The following ZFYVE19 variants were observed in gnomAD, a reference collection of about 807,000 sequenced individuals.
The protein encoded by ZFYVE19 is abscission/NoCut checkpoint regulator.
Under a neutral mutation model 62.8 loss-of-function variants are expected in ZFYVE19, and 49 were observed. That is an observed-to-expected ratio of 0.78 (90% CI 0.62 to 0.99). ZFYVE19 has a LOEUF of 0.99. ZFYVE19 is among the 50% of genes least tolerant of loss of function. The probability of loss-of-function intolerance (pLI) is 0.00; values close to 1 mark genes in which losing one functional copy is unlikely to be tolerated. For missense variants in ZFYVE19, 630 were observed against 601.9 expected (o/e 1.05, Z -0.49); for synonymous variants, 242 against 234.3 (o/e 1.03, Z -0.30).
chr15:40,814,138 T>C lies in ZFYVE19; in HGVS notation c.1338-10T>C. 6.2e-7 allele frequency: 1 copy of C among 1,614,206 alleles called. No individual in the cohort carries two copies. Among genetic ancestry groups the C allele is most frequent in the African/African-American group, 1.3e-5 (1 of 75,054 alleles). On this transcript the variant is annotated splice_polypyrimidine_tract_variant and intron_variant, in intron 10 of 10. Transcript: ENST00000355341. ...CCTGGATCCCTGACTTGTATCCCTT[T>C]GTTCCACAGAGAGGGCCATGATGCC...
rs1279793737 is a variant in ZFYVE19 at position 40,814,249 on chromosome 15, G to A, written c.*23G>A. Reference sequence around the variant, plus strand: ...TGAAGACACCCTGGTCCTCCCGGAAGGGCAGTCCCACAGGCAGCGGCACCC... The same window carrying A: ...TGAAGACACCCTGGTCCTCCCGGAAAGGCAGTCCCACAGGCAGCGGCACCC... On this transcript the variant is annotated 3_prime_UTR_variant, in exon 11 of 11. Coordinates refer to ENST00000355341, the MANE Select transcript of ZFYVE19 (RefSeq NM_001077268.2). The A allele has an allele frequency of 2.5e-6, 4 of 1,613,602 alleles. No individual in the cohort carries two copies. In the Admixed American group the frequency reaches 5.0e-5, roughly 20 times the overall value.
In ZFYVE19 at chr15:40,807,775, T is replaced by A; in HGVS notation, c.186T>A (p.Arg62=). The A allele has an allele frequency of 6.3e-7, 1 of 1,581,256 alleles. No homozygotes were observed. The highest frequency in any genetic ancestry group is 8.6e-7 in the Non-Finnish European group (1 of 1,168,292). Residue 62 remains arginine, a synonymous_variant, in exon 1 of 11, where the codon CGT becomes CGA. Transcript: ENST00000355341. ...EGPRGPGLGR[R]DLSSADPAVL... The stretch of plus-strand genomic sequence containing the variant: ...CAAGGGGCCCAGGACTTGGCCGGCG[T>A]GATCTCAGCTCTGCAGACCCTGCGG...
intron 6 of ZFYVE19, 114 bp from the exon 7 acceptor site, chr15:40,812,583 AAG>A (rs1163132020): frequency 8.9e-6 from 3 of 338,906 alleles, no homozygotes; most frequent in South Asian, 6.7e-5. Flanking sequence ...GAAAGAAAGA[AAG>A]AAAGAAAAAA....
At position 40,814,353 on chromosome 15, in the gene ZFYVE19, C is replaced by G. The variant is rs1890605468; in HGVS notation, c.*127C>G. On this transcript the variant is annotated 3_prime_UTR_variant, in exon 11 of 11. Coordinates refer to ENST00000355341, the MANE Select transcript of ZFYVE19 (RefSeq NM_001077268.2). ...GATGATGGATAGGCCCCTTCCTGAG[C>G]CTTGGTGTCCCTGGAATGAGGAAAG... 9.7e-7 allele frequency: 1 copy of G among 1,026,344 alleles called. No individual in the cohort carries two copies. The allele number at this position is 1,026,344 out of a possible 1,614,324, so 63.6% of individuals were successfully genotyped here.
In ZFYVE19 at chr15:40,808,699, A is replaced by T. The variant is rs1010266089; in HGVS notation, c.280-420A>T. On this transcript the variant is annotated intron_variant, in intron 1 of 10. Transcript: ENST00000355341. ...TGGGTTTAGTGCCTGGCACATAGTA[A>T]GTGCTTAATAAATGGAGGCTATTGT... 3.9e-5 allele frequency: 12 copies of T among 310,706 alleles called. No individual in the cohort carries two copies. The Admixed American group carries it at 5.6e-4, about 15-fold the overall frequency. The allele number at this position is 310,706 out of a possible 1,614,324, so 19.2% of individuals were successfully genotyped here.
In ZFYVE19 at chr15:40,815,047, C is replaced by A. The variant is rs1228050927; in HGVS notation, c.*821C>A. 2.6e-5 allele frequency: 4 copies of A among 152,418 alleles called. No homozygotes were observed. Among genetic ancestry groups the A allele is most frequent in the African/African-American group, 9.6e-5 (4 of 41,458 alleles). The allele number at this position is 152,418 out of a possible 1,614,324, so 9.4% of individuals were successfully genotyped here. The stretch of plus-strand genomic sequence containing the variant: ...CTGCTGTTTCTCTTCCTGCCCCTGG[C>A]TGGAACCAACTATAAAGAGCCCTCG... On this transcript the variant is annotated 3_prime_UTR_variant, in exon 11 of 11. Transcript: ENST00000355341.
At position 40,812,762 on chromosome 15, in the gene ZFYVE19, C is replaced by T; in HGVS notation, c.890C>T (p.Ala297Val). The T allele has an allele frequency of 1.2e-6, 2 of 1,612,750 alleles. No homozygotes were observed. Among genetic ancestry groups the T allele is most frequent in the South Asian group, 1.1e-5 (1 of 91,070 alleles). The change falls in exon 7 of 11, where the codon GCC becomes GTC. Residue 297 changes from alanine to valine, a missense_variant. Transcript: ENST00000355341. ...GPGSTNSKRQ[A>V]NWSLEEEKSR... ...GGGAGCACTAATTCCAAGAGGCAGG[C>T]CAACTGGTCCTTGGAGGAGGAGAAG...
chr15:40,812,709 C>T lies in ZFYVE19; in HGVS notation c.837C>T (p.Leu279=). The T allele has an allele frequency of 6.2e-7, 1 of 1,607,146 alleles. No individual in the cohort carries two copies. The change falls in exon 7 of 11, where the codon CTC becomes CTT. Residue 279 remains leucine (L), a synonymous_variant. Transcript: ENST00000355341. ...SWKGGGPAAS[L]QNDLNQGGPG... ...CATTACCCCTTCCAGCTGCCTCTCT[C>T]CAGAATGATCTCAACCAGGGTGGCC...
chr15:40,813,814 G>A lies in ZFYVE19; in HGVS notation c.1209+3G>A, dbSNP rs758795349. The A allele has an allele frequency of 1.4e-5, 22 of 1,612,090 alleles. No homozygotes were observed. Among genetic ancestry groups the A allele is most frequent in the Non-Finnish European group, 1.8e-5 (21 of 1,179,306 alleles). On this transcript the variant is annotated splice_donor_region_variant and intron_variant, in intron 9 of 10. Coordinates refer to ENST00000355341, the MANE Select transcript of ZFYVE19 (RefSeq NM_001077268.2). Reference sequence around the variant, plus strand: ...AACCCCGCGGGGCAGAGCCTGAGGTGAGAAAAGCCCCAGATGCAGACCCCC... The same window carrying A: ...AACCCCGCGGGGCAGAGCCTGAGGTAAGAAAAGCCCCAGATGCAGACCCCC...
At position 40,813,356 on chromosome 15, in the gene ZFYVE19, G is replaced by A. The variant is rs771283651; in HGVS notation, c.1049G>A (p.Arg350His). The change falls in exon 8 of 11, where the codon CGC (arginine) becomes CAC (histidine). Residue 350 changes from arginine (R) to histidine (H), a missense_variant. Coordinates refer to ENST00000355341, the MANE Select transcript of ZFYVE19 (RefSeq NM_001077268.2). ...DPERVTLQDY[R>H]LPDSDDDEDE... ...CTTCAAGTGACCCTCCAGGACTATC[G>A]CCTCCCAGACAGTGATGACGACGAG... The A allele has an allele frequency of 9.3e-6, 15 of 1,613,030 alleles. No individual in the cohort carries two copies. In the East Asian group the frequency reaches 2.5e-4, roughly 26 times the overall value.
At position 40,810,156 on chromosome 15, in the gene ZFYVE19, A is replaced by G; in HGVS notation, c.657A>G (p.Glu219=). Residue 219 remains glutamate (E), a synonymous_variant, in exon 5 of 11, where the codon GAA becomes GAG. Transcript: ENST00000355341. ...ERQGSIPSTQ[E]MEARLAALQG... is the part of the protein sequence containing the mutation. ...AGGGTTCCATCCCTTCCACCCAGGA[A>G]ATGGAGGCACGACTTGCAGCGTTGC... 1 of 1,614,192 alleles carries G rather than the reference A, an allele frequency of 6.2e-7. No individual in the cohort carries two copies.
intron 1 of ZFYVE19, chr15:40,808,792 C>A (rs79504900): frequency 0.034 from 11,175 of 331,946 alleles, 557 homozygotes; most frequent in African/African-American, 0.15. Context: ...TCTGCCCTGT[C>A]TCTCTGATTC....
intron 6 of ZFYVE19, chr15:40,810,975 A>C (rs1357449920): frequency 3.8e-6 from 2 of 527,546 alleles, no homozygotes; most frequent in East Asian, 3.6e-5. Context: ...CATTTCTACC[A>C]CGTATTAGCT....
chr15:40,811,239 T>G (rs748752156), intron 6 of ZFYVE19, among the ~76,000 whole-genome samples: 1 of 152,264 alleles, frequency 6.6e-6, no homozygotes, highest in Non-Finnish European at 1.5e-5. Context: ...ATGGGCTTCA[T>G]GGCTACCATC....
Position 40,813,695 on chromosome 15 carries a change from T to G in ZFYVE19, c.1111-18T>G. On this transcript the variant is annotated intron_variant, in intron 8 of 10. Coordinates refer to ENST00000355341, the MANE Select transcript of ZFYVE19 (RefSeq NM_001077268.2). Reference sequence around the variant, plus strand: ...GGGCCTGAAGCAGGGGAGTAGTACATCTTCACCCTGTCCGCAGCTCACTGA... The same window carrying G: ...GGGCCTGAAGCAGGGGAGTAGTACAGCTTCACCCTGTCCGCAGCTCACTGA... The G allele has an allele frequency of 6.2e-7, 1 of 1,608,296 alleles. No homozygotes were observed. Among genetic ancestry groups the G allele is most frequent in the Non-Finnish European group, 8.5e-7 (1 of 1,176,666 alleles).
intron 1 of ZFYVE19, chr15:40,808,135 T>C (rs867620525): frequency 9.6e-7 from 1 of 1,046,816 alleles, no homozygotes; most frequent in Admixed American, 2.3e-5. Context: ...GCTACTCTTT[T>C]CTGTCGGCCC....
At chr15:40,808,470 C>A in intron 1 of ZFYVE19, 1 of 1,507,834 alleles carries the variant, frequency 6.6e-7, no homozygotes, top group Non-Finnish European at 8.9e-7. Flanking sequence ...AAGGCAGGAC[C>A]GTGCAGCATT....
At chr15:40,808,528 C>G in intron 1 of ZFYVE19, 1 of 1,189,226 alleles carries the variant, frequency 8.4e-7, no homozygotes, top group Admixed American at 2.8e-5. Flanking sequence ...GCTCTGCTGT[C>G]TTATTGAGGC....
chr15:40,812,653 A>G, intron 6 of ZFYVE19, 46 bp from the exon 7 acceptor site: 2 of 1,494,630 alleles, frequency 1.3e-6, no homozygotes, highest in Non-Finnish European at 1.8e-6. Flanking sequence ...TTCTGAGGAG[A>G]GATACTGGGA....
Sources: gnomAD v4.1 joint callset for allele counts (sites outside exome capture counted in the v4.1 genomes callset) on GRCh38, gnomAD v4.1.1 for gene constraint, MANE v1.5 for transcripts, NCBI Gene and HGNC (gene_info 2026-07-23, HGNC 2026-07-21) for gene names.